Variants in DENND2B observed in about 807,000 individuals in gnomAD.
The protein encoded by DENND2B is DENN domain containing 2B.
In DENND2B, 32 loss-of-function variants were observed where a neutral mutation model predicts 116.0. The ratio of observed to expected loss-of-function variants is 0.28; its 90% CI spans 0.21 to 0.37. The LOEUF (loss-of-function observed/expected upper bound fraction) is 0.37, where lower values mean the gene tolerates loss of function less well. Among genes scored for constraint, DENND2B ranks in the 10% least tolerant of loss-of-function variants. The probability of loss-of-function intolerance (pLI) is 1.00; values close to 1 mark genes in which losing one functional copy is unlikely to be tolerated. For missense variants in DENND2B, 1,276 were observed against 1,477.7 expected (o/e 0.86, Z 2.24); for synonymous variants, 588 against 583.9 (o/e 1.01, Z -0.10).
At chr11:8,842,929 C>T (rs1425164586) in intron 3 of DENND2B, among the ~76,000 whole-genome samples, 1 of 152,144 alleles carries the variant, frequency 6.6e-6, no homozygotes, top group Non-Finnish European at 1.5e-5. Flanking sequence ...AAAGGCTTCT[C>T]ATGTAAGCAA....
In DENND2B at chr11:8,702,808, C is replaced by T; in HGVS notation, c.2572-88G>A. The T allele has an allele frequency of 2.0e-6, 3 of 1,505,358 alleles. No homozygotes were observed. The highest frequency in any genetic ancestry group is 1.8e-6 in the Non-Finnish European group (2 of 1,112,546). 93.3% of individuals were successfully genotyped at this position (1,505,358 alleles called of 1,614,324 possible). A position where few individuals can be genotyped will look rare whatever the true frequency, so the allele number is the denominator to read the frequency against. On this transcript the variant is annotated intron_variant, in intron 13 of 19. Transcript: ENST00000313726. The surrounding 1 kb of genome is among the most constrained non-coding windows in gnomAD (Gnocchi z 4.6). ...CCACGAAGCAACTGGAGCTGCTTTC[C>T]CCTTCCAACCTGCTCTTTTCCAGGT...
intron 1 of DENND2B, among the ~76,000 whole-genome samples, chr11:8,906,205 CTTTTT>C (rs34217164): frequency 1.1e-5 from 1 of 93,298 alleles, no homozygotes; most frequent in African/African-American, 3.5e-5. Flanking sequence ...TCTTTTTTTT[CTTTTT>C]TTTTTTTTTT....
intron 1 of DENND2B, among the ~76,000 whole-genome samples, chr11:8,910,150 A>G (rs2064298141): frequency 1.3e-5 from 2 of 151,728 alleles, no homozygotes; most frequent in South Asian, 2.1e-4. Context: ...ACTGGAGGGG[A>G]GAGAGAGCTG....
At chr11:8,828,973 T>G (rs1009028300) in intron 4 of DENND2B, among the ~76,000 whole-genome samples, 2 of 149,046 alleles carry the variant, frequency 1.3e-5, no homozygotes, top group African/African-American at 5.0e-5. Flanking sequence ...TGTGGGTGTG[T>G]GTGTGGTGTG....
At chr11:8,749,901 G>C (rs552341035) in intron 2 of DENND2B, among the ~76,000 whole-genome samples, 1 of 152,332 alleles carries the variant, frequency 6.6e-6, no homozygotes, top group Admixed American at 6.5e-5. Context: ...AAGCCCTGGT[G>C]AGAGTACTGT....
intron 13 of DENND2B, among the ~76,000 whole-genome samples, chr11:8,706,795 T>C (rs1255862249): frequency 1.3e-5 from 2 of 152,182 alleles, no homozygotes; most frequent in African/African-American, 4.8e-5. Flanking sequence ...CAATCCCTGA[T>C]TGTGAGATGG....
chr11:8,813,906 C>G (rs1447673706), upstream of DENND2B, among the ~76,000 whole-genome samples: 1 of 152,158 alleles, frequency 6.6e-6, no homozygotes, highest in Admixed American at 6.5e-5. Context: ...TGGGCAGAGT[C>G]AGGGACAGCT....
intron 1 of DENND2B, among the ~76,000 whole-genome samples, chr11:8,773,002 G>A (rs1377401787): frequency 6.6e-6 from 1 of 152,108 alleles, no homozygotes; most frequent in Non-Finnish European, 1.5e-5. Flanking sequence ...TCTGAGCCCT[G>A]AGTTTTAGTG....
chr11:8,766,266 A>G (rs1399480017), intron 1 of DENND2B, among the ~76,000 whole-genome samples: 2 of 152,122 alleles, frequency 1.3e-5, no homozygotes, highest in African/African-American at 4.8e-5. Flanking sequence ...CAGCACACTC[A>G]GGCTTCCCAG....
At chr11:8,864,264 C>A (rs1365233254) in intron 2 of DENND2B, among the ~76,000 whole-genome samples, 1 of 152,082 alleles carries the variant, frequency 6.6e-6, no homozygotes, top group Non-Finnish European at 1.5e-5. Flanking sequence ...CATCCAATTT[C>A]TTTTGTTGTT....
Position 8,766,570 on chromosome 11 carries a change from T to TC in DENND2B, c.-25-15846dup, listed in dbSNP as rs1173848961. On this transcript the variant is annotated intron_variant, in intron 1 of 19. Coordinates refer to ENST00000313726, the MANE Select transcript of DENND2B (RefSeq NM_213618.2). Reference sequence around the variant, plus strand: ...AGCAATGGGAACCAAGGAGAGGGCTTCCACTGACAGACCATCCACTGAAAG... The same window carrying TC: ...AGCAATGGGAACCAAGGAGAGGGCTTCCCACTGACAGACCATCCACTGAAAG... The TC allele has an allele frequency of 3.2e-6, 4 of 1,251,786 alleles. No homozygotes were observed. The African/African-American group carries it at 6.1e-5, about 19-fold the overall frequency. The allele number at this position is 1,251,786 out of a possible 1,614,324, so 77.5% of individuals were successfully genotyped here. A position where few individuals can be genotyped will look rare whatever the true frequency, so the allele number is the denominator to read the frequency against.
chr11:8,822,166 C>T (rs1362318001), intron 4 of DENND2B, among the ~76,000 whole-genome samples: 1 of 148,520 alleles, frequency 6.7e-6, no homozygotes, highest in East Asian at 2.0e-4. Flanking sequence ...TAAAAATAGA[C>T]ATTCTACATA....
upstream of DENND2B, among the ~76,000 whole-genome samples, chr11:8,873,646 G>A (rs887174764): frequency 1.3e-5 from 2 of 152,202 alleles, no homozygotes; most frequent in Admixed American, 6.5e-5. Flanking sequence ...AAACAAGGTC[G>A]ACTATGTATA....
At chr11:8,833,241 C>T (rs1194943658) in intron 4 of DENND2B, among the ~76,000 whole-genome samples, 1 of 152,160 alleles carries the variant, frequency 6.6e-6, no homozygotes, top group African/African-American at 2.4e-5. Context: ...CAAATTATGA[C>T]CCTGTAAGGC....
chr11:8,837,140 C>CAA (rs576194189), intron 4 of DENND2B, among the ~76,000 whole-genome samples: 1 of 146,520 alleles, frequency 6.8e-6, no homozygotes, highest in African/African-American at 2.5e-5. Context: ...TTAACTGGAA[C>CAA]AAAAAAAAAA....
chr11:8,735,051 CA>C (rs1473964101), intron 2 of DENND2B, among the ~76,000 whole-genome samples: 2 of 151,970 alleles, frequency 1.3e-5, no homozygotes, highest in Non-Finnish European at 2.9e-5. Context: ...CATGAATTCT[CA>C]GCAGCTCAGG....
At chr11:8,763,005 C>T (rs147186028) in intron 1 of DENND2B, among the ~76,000 whole-genome samples, 1 of 152,228 alleles carries the variant, frequency 6.6e-6, no homozygotes, top group Admixed American at 6.5e-5. Flanking sequence ...ACCATCCAAC[C>T]AAGAACTCAT....
chr11:8,710,470 T>C (rs553765046), intron 11 of DENND2B, among the ~76,000 whole-genome samples: 1 of 151,900 alleles, frequency 6.6e-6, no homozygotes, highest in South Asian at 2.1e-4. Flanking sequence ...CATATACACA[T>C]ACTGCTGGGG....
intron 1 of DENND2B, among the ~76,000 whole-genome samples, chr11:8,764,157 T>A: frequency 1.3e-5 from 2 of 151,716 alleles, no homozygotes; most frequent in Non-Finnish European, 2.9e-5. Context: ...GAGGCGGAGG[T>A]TGCAGTGAGC....
Sources: gnomAD v4.1 joint callset for allele counts (sites outside exome capture counted in the v4.1 genomes callset) on GRCh38, gnomAD v4.1.1 for gene constraint, Gnocchi (gnomAD v3.1) non-coding constraint, MANE v1.5 for transcripts, NCBI Gene and HGNC (gene_info 2026-07-23, HGNC 2026-07-21) for gene names.